THRAP3: variants seen among roughly 807,000 people sequenced by gnomAD.
THRAP3 encodes thyroid hormone receptor associated protein 3, also known as thyroid hormone receptor-associated protein 3.
THRAP3 carries 16 observed loss-of-function variants against 101.0 expected under a neutral mutation model. The observed-to-expected ratio is 0.16, with a 90% CI of 0.11 to 0.24. THRAP3 has a LOEUF of 0.24. THRAP3 is among the 10% of genes least tolerant of loss of function. The pLI, the probability that THRAP3 is intolerant of heterozygous loss-of-function variation, is 1.00. For synonymous variants in THRAP3, 407 were observed against 422.6 expected (o/e 0.96, Z 0.45); for missense variants, 989 against 1,202.7 (o/e 0.82, Z 2.63).
intron 2 of THRAP3, among the ~76,000 whole-genome samples, chr1:36,279,852 A>G (rs1250473311): frequency 6.6e-6 from 1 of 152,190 alleles, no homozygotes; most frequent in Non-Finnish European, 1.5e-5. Context: ...CTTTCAGTTT[A>G]TCTATATCTT....
At chr1:36,270,990 G>T (rs1328838356) in intron 2 of THRAP3, among the ~76,000 whole-genome samples, 2 of 152,076 alleles carry the variant, frequency 1.3e-5, no homozygotes, top group East Asian at 3.8e-4. Context: ...TAATGGGGGA[G>T]AAATCTCTGC....
the THRAP3 span, among the ~76,000 whole-genome samples, chr1:36,215,539 C>G: frequency 2.0e-5 from 3 of 152,154 alleles, no homozygotes; most frequent in African/African-American, 4.8e-5. Flanking sequence ...TCCTAAACTT[C>G]TAGCCTAGAA....
intron 9 of THRAP3, among the ~76,000 whole-genome samples, chr1:36,298,535 C>T (rs1223957126): frequency 6.6e-6 from 1 of 152,018 alleles, no homozygotes; most frequent in African/African-American, 2.4e-5. Flanking sequence ...GCTCTGTCAC[C>T]CAGGCTGGAG....
the THRAP3 span, among the ~76,000 whole-genome samples, chr1:36,213,967 G>GAGAA: frequency 1.4e-3 from 140 of 97,960 alleles, 3 homozygotes; most frequent in Middle Eastern, 0.011. Flanking sequence ...AAGAAGGAAA[G>GAGAA]AGAAAGAAAG....
chr1:36,303,987 G>A lies in THRAP3; in HGVS notation c.2838G>A (p.Glu946=), dbSNP rs748416321. ...AGAGTGGGACAGAGAACCGAGAAGA[G>A]AAGGACAATATACAGCCCACAACCG... ...DDESGTENRE[E]KDNIQPTTE Residue 946 remains glutamate, a synonymous_variant, in exon 12 of 12, where the codon GAG becomes GAA. Transcript: ENST00000354618. 1.0e-5 allele frequency: 16 copies of A among 1,595,562 alleles called. No individual in the cohort carries two copies. The South Asian group carries it at 1.8e-4, about 18-fold the overall frequency.
intron 5 of THRAP3, 53 bp downstream of exon 5, chr1:36,289,817 G>A (rs1015386060): frequency 3.2e-5 from 49 of 1,528,872 alleles, no homozygotes; most frequent in Non-Finnish European, 3.9e-5. Flanking sequence ...AAGTGGTGTC[G>A]CCTAGCCTTT....
the THRAP3 span, among the ~76,000 whole-genome samples, chr1:36,210,978 G>A: frequency 6.6e-6 from 1 of 150,620 alleles, no homozygotes; most frequent in Admixed American, 6.7e-5. Context: ...CTGGGGGGCC[G>A]AGGAGGGAGG....
chr1:36,242,513 C>A (rs1225102397), intron 1 of THRAP3, among the ~76,000 whole-genome samples: 4 of 146,208 alleles, frequency 2.7e-5, no homozygotes, highest in Admixed American at 1.4e-4. Flanking sequence ...AGTGCAGAGA[C>A]GCGATCTCCG....
the THRAP3 span, among the ~76,000 whole-genome samples, chr1:36,218,695 CT>C: frequency 9.2e-5 from 14 of 151,874 alleles, no homozygotes; most frequent in African/African-American, 2.7e-4. Context: ...GCACTCCAGC[CT>C]GGGCGACAGA....
At chr1:36,226,776 A>T (rs763755991) in intron 1 of THRAP3, among the ~76,000 whole-genome samples, 9 of 152,192 alleles carry the variant, frequency 5.9e-5, no homozygotes, top group Non-Finnish European at 1.3e-4. Flanking sequence ...TTATTCAACA[A>T]ATACTACTTG....
At position 36,243,489 on chromosome 1, in the gene THRAP3, T is replaced by C. The variant is rs150489439; in HGVS notation, c.-134-15893T>C. 9.6e-3 allele frequency among the ~76,000 whole-genome samples: 1,463 copies of C among 152,200 alleles called. 16 individuals carry two copies. Among genetic ancestry groups the C allele is most frequent in the African/African-American group, 0.034 (1,404 of 41,518 alleles). On this transcript the variant is annotated intron_variant, in intron 1 of 11. Transcript: ENST00000354618. ...TTCAACCCTGAGTGGATACAGCACA[T>C]GTTTCAGAGAGCACAGGGTTGGGGG...
intron 1 of THRAP3, among the ~76,000 whole-genome samples, chr1:36,251,019 T>C (rs1645294917): frequency 6.6e-6 from 1 of 152,066 alleles, no homozygotes; most frequent in South Asian, 2.1e-4. Context: ...AGTGCTGAGA[T>C]TACAGGTGAG....
chr1:36,292,748 G>T (rs1017401881), intron 7 of THRAP3, 39 bp downstream of exon 7: 8 of 1,491,026 alleles, frequency 5.4e-6, no homozygotes, highest in Non-Finnish European at 7.3e-6. Flanking sequence ...TGTAATAAAA[G>T]ACTTTGTATC....
intron 1 of THRAP3, among the ~76,000 whole-genome samples, chr1:36,243,609 A>G (rs1009709748): frequency 3.3e-5 from 5 of 152,200 alleles, no homozygotes; most frequent in Non-Finnish European, 7.3e-5. Context: ...TTCTACACAG[A>G]CACGGCAACC....
intron 1 of THRAP3, among the ~76,000 whole-genome samples, chr1:36,238,198 C>A (rs1469224664): frequency 1.3e-5 from 2 of 152,036 alleles, no homozygotes; most frequent in African/African-American, 4.8e-5. Context: ...AAACTCCTGA[C>A]CTCCAGCCAT....
chr1:36,292,751 T>C, intron 7 of THRAP3, 42 bp downstream of exon 7: 1 of 1,465,672 alleles, frequency 6.8e-7, no homozygotes, highest in Non-Finnish European at 9.4e-7. Context: ...AATAAAAGAC[T>C]TTGTATCAGA....
At chr1:36,238,122 C>T (rs781429469) in intron 1 of THRAP3, among the ~76,000 whole-genome samples, 1 of 152,064 alleles carries the variant, frequency 6.6e-6, no homozygotes, top group Non-Finnish European at 1.5e-5. Context: ...TGTGAGCCAC[C>T]GCGCCCGGCG....
chr1:36,289,617 G>A lies in THRAP3; in HGVS notation c.1598G>A (p.Ser533Asn). ...VTAYKAVQEK[S>N]SSPPPRKTSE... ...GCTTATAAAGCAGTCCAGGAGAAAA[G>A]CTCATCACCTCCCCCAAGAAAGACC... is the stretch of plus-strand genomic sequence containing the variant. The change falls in exon 5 of 12, where the codon AGC becomes AAC. Residue 533 changes from serine to asparagine, a missense_variant. By Grantham distance (46) the Ser-to-Asn change is conservative (BLOSUM62 1). Transcript: ENST00000354618. 3 of 1,614,180 alleles carry A rather than the reference G, an allele frequency of 1.9e-6. No individual in the cohort carries two copies. The highest frequency in any genetic ancestry group is 2.5e-6 in the Non-Finnish European group (3 of 1,180,028).
In THRAP3 at chr1:36,275,602, A is replaced by AAAAG. The variant is rs1553122394; in HGVS notation, c.-31-6929_-31-6928insAGAA. 9.3e-3 allele frequency among the ~76,000 whole-genome samples: 1,178 copies of AAAAG among 126,974 alleles called. 126 individuals carry two copies. Among genetic ancestry groups the AAAAG allele is most frequent in the East Asian group, 0.024 (100 of 4,142 alleles). The allele number at this position is 126,974 out of a possible 152,430, so 83.3% of individuals were successfully genotyped here. A position where few individuals can be genotyped will look rare whatever the true frequency, so the allele number is the denominator to read the frequency against. On this transcript the variant is annotated intron_variant, in intron 2 of 11. Coordinates refer to ENST00000354618, the MANE Select transcript of THRAP3 (RefSeq NM_005119.4). ...ACTCTGTCTCAAAAAAAAAAAAAAA[A>AAAAG]AAGTCTTCTTTTTTTTTTTTCTTTT... is the stretch of plus-strand genomic sequence containing the variant.
Sources: allele counts gnomAD v4.1 joint callset (sites outside exome capture counted in the v4.1 genomes callset), GRCh38; gene constraint gnomAD v4.1.1; transcripts MANE v1.5; gene names NCBI Gene and HGNC (gene_info 2026-07-23, HGNC 2026-07-21).